COL4A6: variants seen among roughly 807,000 people sequenced by gnomAD.
COL4A6 encodes the protein collagen type IV alpha 6 chain, also known as collagen alpha-6(IV) chain.
In COL4A6, 59 loss-of-function variants were observed where a neutral mutation model predicts 126.7. The ratio of observed to expected loss-of-function variants is 0.47; its 90% CI spans 0.38 to 0.58. The LOEUF (loss-of-function observed/expected upper bound fraction) is 0.58. Ranked by LOEUF, COL4A6 falls within the 20% of genes least tolerant of loss-of-function variation. COL4A6 has a pLI of 0.00. For synonymous variants in COL4A6, 547 were observed against 496.6 expected, an observed-to-expected ratio of 1.10 and a Z score of -1.35; for missense variants, 1,285 against 1,337.3, an observed-to-expected ratio of 0.96 and a Z score of 0.61.
At chrX:108,310,851 A>G (rs2038743893) in intron 2 of COL4A6, 23 bp from the exon 3 acceptor site, 2 of 1,141,840 alleles carry the variant, frequency 1.8e-6, no homozygotes, top group Non-Finnish European at 2.4e-6. Flanking sequence ...GGAAAAAGTT[A>G]ATAAACCATG....
intron 37 of COL4A6, among the ~76,000 whole-genome samples, chrX:108,168,430 GAA>G (rs893681096): frequency 8.9e-5 from 10 of 112,228 alleles, no homozygotes; most frequent in Admixed American, 1.9e-4. Context: ...ATTAATATAT[GAA>G]TATAGTCCCT....
chrX:108,320,888 A>G (rs763352273), intron 2 of COL4A6, among the ~76,000 whole-genome samples: 12 of 112,059 alleles, frequency 1.1e-4, no homozygotes, highest in Non-Finnish European at 2.1e-4. Context: ...GTGTCTGTGT[A>G]GAGACATAGA....
intron 2 of COL4A6, among the ~76,000 whole-genome samples, chrX:108,381,025 C>G (rs1316221725): frequency 8.9e-6 from 1 of 112,026 alleles, no homozygotes; most frequent in East Asian, 2.8e-4. Flanking sequence ...CTATTTGCAT[C>G]TACTCTTCAA....
chrX:108,241,167 G>A (rs1333615548), intron 3 of COL4A6, among the ~76,000 whole-genome samples: 1 of 110,679 alleles, frequency 9.0e-6, no homozygotes, highest in African/African-American at 3.3e-5. Flanking sequence ...TAATATAAAT[G>A]TATATAAAAC....
rs762324413 is a variant in COL4A6 at position 108,234,298 on chromosome X, T to C, written c.145-12924A>G. Among the ~76,000 whole-genome samples, 14 of 111,919 alleles carry C rather than the reference T, an allele frequency of 1.3e-4. No homozygotes were observed. The South Asian group carries it at 4.9e-3, about 39-fold the overall frequency. On this transcript the variant is annotated intron_variant, in intron 3 of 44. Transcript: ENST00000334504. ...TCCAACTATTCCCTTAATAAAGTGATAGGTCAATTCTTGGTCAAAAATTCC... is the reference window on the plus strand; with the variant it reads ...TCCAACTATTCCCTTAATAAAGTGACAGGTCAATTCTTGGTCAAAAATTCC...
chrX:108,407,572 T>C (rs1327341789), intron 2 of COL4A6, among the ~76,000 whole-genome samples: 1 of 112,251 alleles, frequency 8.9e-6, no homozygotes, highest in East Asian at 2.8e-4. Flanking sequence ...TAGCCCCTGC[T>C]CTCAAAGAGC....
At chrX:108,389,557 T>G (rs1013351472) in intron 2 of COL4A6, among the ~76,000 whole-genome samples, 30 of 110,775 alleles carry the variant, frequency 2.7e-4, no homozygotes, top group African/African-American at 6.9e-4. Context: ...TTGTTTTTGT[T>G]TTTTTTTGCT....
chrX:108,310,610 C>T (rs1381010464), intron 3 of COL4A6, 138 bp downstream of exon 3: 7 of 472,574 alleles, frequency 1.5e-5, no homozygotes, highest in African/African-American at 4.8e-5. Flanking sequence ...GTTAGCAAAG[C>T]TCCTTCCAGC....
At chrX:108,264,859 A>G (rs1480753672) in intron 3 of COL4A6, among the ~76,000 whole-genome samples, 1 of 110,900 alleles carries the variant, frequency 9.0e-6, no homozygotes, top group Non-Finnish European at 1.9e-5. Context: ...AATGAGGAAA[A>G]CTCTGTGAGG....
At chrX:108,422,832 A>C (rs1052518655) in intron 2 of COL4A6, among the ~76,000 whole-genome samples, 1 of 111,518 alleles carries the variant, frequency 9.0e-6, no homozygotes, top group African/African-American at 3.3e-5. Flanking sequence ...AAAACAGGGA[A>C]AGCTACAGGT....
At chrX:108,214,859 G>A (rs1165041201) in intron 5 of COL4A6, among the ~76,000 whole-genome samples, 1 of 112,696 alleles carries the variant, frequency 8.9e-6, no homozygotes, top group Admixed American at 9.4e-5. Flanking sequence ...TAACGACTGA[G>A]GCAGTTGTTT....
chrX:108,377,273 T>C (rs1402682239), intron 2 of COL4A6, among the ~76,000 whole-genome samples: 2 of 112,302 alleles, frequency 1.8e-5, no homozygotes, highest in African/African-American at 6.5e-5. Flanking sequence ...GGTTTTCCCC[T>C]ATCTCAGTAG....
At chrX:108,297,050 T>C (rs928707856) in intron 3 of COL4A6, among the ~76,000 whole-genome samples, 1 of 112,098 alleles carries the variant, frequency 8.9e-6, no homozygotes, top group African/African-American at 3.2e-5. Context: ...AACGAAAGCC[T>C]GATTAGAATA....
chrX:108,209,903 A>G, intron 8 of COL4A6, 66 bp downstream of exon 8: 1 of 1,143,520 alleles, frequency 8.7e-7, no homozygotes, highest in Non-Finnish European at 1.2e-6. Context: ...CATAGAGAAG[A>G]ACGAAAATGC....
chrX:108,395,871 A>G (rs1180842152), intron 2 of COL4A6, among the ~76,000 whole-genome samples: 1 of 111,768 alleles, frequency 8.9e-6, no homozygotes, highest in East Asian at 2.8e-4. Context: ...TTTATGACGA[A>G]TCAGAACAAG....
chrX:108,351,440 CTCTGTGTGTG>C (rs2039842518), intron 2 of COL4A6, among the ~76,000 whole-genome samples: 1 of 97,915 alleles, frequency 1.0e-5, no homozygotes, highest in Admixed American at 1.2e-4. Flanking sequence ...AACTCTCTCT[CTCTGTGTGTG>C]TGTGTGTGTG....
chrX:108,253,707 A>G (rs866253874), intron 3 of COL4A6, among the ~76,000 whole-genome samples: 1 of 111,838 alleles, frequency 8.9e-6, no homozygotes, highest in South Asian at 3.8e-4. Context: ...GTAAGAATAA[A>G]GGATGCATCC....
At chrX:108,415,104 C>A (rs917288781) in intron 2 of COL4A6, among the ~76,000 whole-genome samples, 2 of 111,069 alleles carry the variant, frequency 1.8e-5, no homozygotes, top group Non-Finnish European at 3.8e-5. Context: ...CTCTCCATAC[C>A]CACCATTCTC....
At chrX:108,425,057 A>T (rs2064048471) in intron 2 of COL4A6, among the ~76,000 whole-genome samples, 1 of 111,654 alleles carries the variant, frequency 9.0e-6, no homozygotes, top group Non-Finnish European at 1.9e-5. Flanking sequence ...TAACATATTT[A>T]AAAACTGTTA....
Sources: allele counts gnomAD v4.1 joint callset (sites outside exome capture counted in the v4.1 genomes callset), GRCh38; gene constraint gnomAD v4.1.1; transcripts MANE v1.5; gene names NCBI Gene and HGNC (gene_info 2026-07-23, HGNC 2026-07-21).